RNF38: variants seen among roughly 807,000 people sequenced by gnomAD.
RNF38 encodes the protein E3 ubiquitin-protein ligase RNF38.
Under a neutral mutation model 67.2 loss-of-function variants are expected in RNF38, and 15 were observed. The ratio of observed to expected loss-of-function variants is 0.22; its 90% confidence interval spans 0.15 to 0.34. RNF38 has a LOEUF of 0.34. Among genes scored for constraint, RNF38 ranks in the 10% least tolerant of loss-of-function variants. The pLI is 1.00. For synonymous variants in RNF38, 220 were observed against 218.8 expected, an observed-to-expected ratio of 1.01 and a Z score of -0.05; for missense variants, 524 against 639.9, an observed-to-expected ratio of 0.82 and a Z score of 1.95.
intron 1 of RNF38, among the ~76,000 whole-genome samples, chr9:36,442,266 A>G (rs924342572): frequency 6.6e-6 from 1 of 152,106 alleles, no homozygotes; most frequent in African/African-American, 2.4e-5. Flanking sequence ...CCATCCCTCA[A>G]TATCCAACTC....
intron 2 of RNF38, among the ~76,000 whole-genome samples, chr9:36,379,507 G>A (rs1294333403): frequency 2.6e-5 from 4 of 152,222 alleles, no homozygotes; most frequent in Admixed American, 2.6e-4. Flanking sequence ...TAGTGTGGAA[G>A]CATAAAAAAA....
At chr9:36,427,586 C>T (rs1044484194) in intron 1 of RNF38, among the ~76,000 whole-genome samples, 12 of 152,120 alleles carry the variant, frequency 7.9e-5, no homozygotes, top group African/African-American at 2.9e-4. Flanking sequence ...AGCAAAAAGG[C>T]ACTCTCTATG....
At chr9:36,473,355 A>C (rs1350584107) in intron 1 of RNF38, among the ~76,000 whole-genome samples, 1 of 152,132 alleles carries the variant, frequency 6.6e-6, no homozygotes, top group Non-Finnish European at 1.5e-5. Flanking sequence ...TGGGAGGCCA[A>C]GGCAGGCGGA....
intron 4 of RNF38, among the ~76,000 whole-genome samples, chr9:36,366,034 T>C (rs909448847): frequency 1.3e-5 from 2 of 152,118 alleles, no homozygotes; most frequent in Non-Finnish European, 2.9e-5. Flanking sequence ...GAATTTTTAT[T>C]ACAGAGAATT....
At position 36,363,167 on chromosome 9, in the gene RNF38, G is replaced by T. The variant is rs542444908; in HGVS notation, c.571-5225C>A. ...CTGAAGTACAATGGCACAATCACTTGGGCTCGAGGGATCCTCCAGCCTCCG... is the reference window on the plus strand; with the variant it reads ...CTGAAGTACAATGGCACAATCACTTTGGCTCGAGGGATCCTCCAGCCTCCG... On this transcript the variant is annotated intron_variant, in intron 4 of 11. Coordinates refer to ENST00000259605, the MANE Select transcript of RNF38 (RefSeq NM_022781.5). Among the ~76,000 whole-genome samples, 9 of 99,330 alleles carry T rather than the reference G, an allele frequency of 9.1e-5. 4 individuals carry two copies. The highest frequency in any genetic ancestry group is 1.8e-4 in the Admixed American group (2 of 10,876). The allele number at this position is 99,330 out of a possible 152,430, so 65.2% of individuals were successfully genotyped here.
intron 1 of RNF38, among the ~76,000 whole-genome samples, chr9:36,465,484 T>C (rs541734795): frequency 6.6e-6 from 1 of 152,224 alleles, no homozygotes; most frequent in African/African-American, 2.4e-5. Flanking sequence ...CTAACTGGGA[T>C]TACAGGCATA....
intron 1 of RNF38, among the ~76,000 whole-genome samples, chr9:36,442,254 T>C (rs981166737): frequency 1.3e-5 from 2 of 152,196 alleles, no homozygotes; most frequent in Non-Finnish European, 2.9e-5. Flanking sequence ...ACCTCAATTC[T>C]GCCATCCCTC....
chr9:36,352,652 C>A, intron 8 of RNF38, 90 bp downstream of exon 8: 2 of 997,500 alleles, frequency 2.0e-6, no homozygotes, highest in Non-Finnish European at 3.1e-6. Flanking sequence ...ACTAACACAC[C>A]AAAAGCTATA....
At chr9:36,453,203 A>G (rs937869004) in intron 1 of RNF38, among the ~76,000 whole-genome samples, 3 of 152,030 alleles carry the variant, frequency 2.0e-5, no homozygotes, top group African/African-American at 7.2e-5. Context: ...ACAAGTGTGA[A>G]GTGGAAATAT....
intron 1 of RNF38, among the ~76,000 whole-genome samples, chr9:36,487,082 T>C (rs1231050802): frequency 6.6e-6 from 1 of 152,174 alleles, no homozygotes; most frequent in East Asian, 1.9e-4. Flanking sequence ...GGTCCTGCCC[T>C]GCACACCCTG....
intron 1 of RNF38, among the ~76,000 whole-genome samples, chr9:36,457,951 G>C (rs1839631601): frequency 6.6e-6 from 1 of 152,188 alleles, no homozygotes; most frequent in African/African-American, 2.4e-5. Flanking sequence ...GTTGAGAAGA[G>C]CCCTAGCTTT....
intron 5 of RNF38, 91 bp from the exon 6 acceptor site, chr9:36,356,564 A>C: frequency 2.9e-6 from 3 of 1,051,554 alleles, no homozygotes; most frequent in Non-Finnish European, 4.0e-6. Flanking sequence ...TCATTGTCAC[A>C]CCTCTCCCAA....
At chr9:36,356,227 C>A in intron 6 of RNF38, 76 bp downstream of exon 6, 6 of 1,396,268 alleles carry the variant, frequency 4.3e-6, no homozygotes, top group South Asian at 3.7e-5. Flanking sequence ...AGGTTATATA[C>A]CTGGCCTAAA....
upstream of RNF38, among the ~76,000 whole-genome samples, chr9:36,404,251 T>A (rs575440587): frequency 4.6e-4 from 70 of 152,298 alleles, no homozygotes; most frequent in Non-Finnish European, 9.3e-4. Context: ...CACATATGCA[T>A]GAGTTTGTTT....
In RNF38 at chr9:36,356,296, T is replaced by C; in HGVS notation, c.909+7A>G. The C allele has an allele frequency of 6.2e-7, 1 of 1,613,692 alleles. No individual in the cohort carries two copies. Among genetic ancestry groups the C allele is most frequent in the Non-Finnish European group, 8.5e-7 (1 of 1,179,764 alleles). On this transcript the variant is annotated splice_region_variant and intron_variant, in intron 6 of 11. Transcript: ENST00000259605. ...AAACATTCTGACATAATAGTAGAGA[T>C]ACCTACCGATCGTGATTGCTGTGTT...
exon 1 of RNF38, chr9:36,487,400 G>A: frequency 1.0e-6 from 1 of 982,360 alleles, no homozygotes; most frequent in African/African-American, 1.8e-5. Flanking sequence ...CGTGGCGGCG[G>A]GCTCCGGCCG....
intron 1 of RNF38, among the ~76,000 whole-genome samples, chr9:36,426,346 G>A (rs1311936348): frequency 6.6e-6 from 1 of 151,846 alleles, no homozygotes; most frequent in Non-Finnish European, 1.5e-5. Flanking sequence ...TCTTCCCTGA[G>A]CCACTGACAA....
At chr9:36,485,001 C>A (rs531187041) in intron 1 of RNF38, among the ~76,000 whole-genome samples, 1 of 152,038 alleles carries the variant, frequency 6.6e-6, no homozygotes, top group Non-Finnish European at 1.5e-5. Context: ...CCCGTCTCTA[C>A]TAAAAATACA....
intron 1 of RNF38, among the ~76,000 whole-genome samples, chr9:36,425,205 C>T (rs1395113165): frequency 6.6e-6 from 1 of 152,152 alleles, no homozygotes; most frequent in East Asian, 1.9e-4. Flanking sequence ...CCAATAACAA[C>T]TGCTCTTTAA....
Sources: allele counts gnomAD v4.1 joint callset (sites outside exome capture counted in the v4.1 genomes callset), GRCh38; gene constraint gnomAD v4.1.1; transcripts MANE v1.5; gene names NCBI Gene and HGNC (gene_info 2026-07-23, HGNC 2026-07-21).